Variants in TRIM71 observed in about 807,000 individuals in gnomAD.
TRIM71 encodes the protein E3 ubiquitin-protein ligase TRIM71.
In TRIM71, 9 loss-of-function variants were observed where a neutral mutation model predicts 61.2. The ratio of observed to expected loss-of-function variants is 0.15; its 90% CI spans 0.09 to 0.26. TRIM71 has a LOEUF of 0.26. Ranked by LOEUF, TRIM71 falls within the 10% of genes least tolerant of loss-of-function variation. The pLI is 1.00. For missense variants in TRIM71, 998 were observed against 1,238.7 expected, an observed-to-expected ratio of 0.81 and a Z score of 2.92; for synonymous variants, 645 against 553.2, an observed-to-expected ratio of 1.17 and a Z score of -2.33.
At chr3:32,884,414 C>A (rs909141618) in intron 2 of TRIM71, among the ~76,000 whole-genome samples, 11 of 152,038 alleles carry the variant, frequency 7.2e-5, no homozygotes, top group South Asian at 2.1e-4. Flanking sequence ...ATACCCAGAA[C>A]AGGCCAGGCG....
chr3:32,846,657 C>T (rs1696478346), intron 1 of TRIM71, among the ~76,000 whole-genome samples: 1 of 151,294 alleles, frequency 6.6e-6, no homozygotes, highest in Admixed American at 6.6e-5. Flanking sequence ...TGCACCCACC[C>T]CTGTCCCCAG....
rs377168853 is a variant in TRIM71, at chr3:32,890,542, C to T, written c.1338C>T (p.Thr446=). 23 of 1,614,024 alleles carry T rather than the reference C, an allele frequency of 1.4e-5. No homozygotes were observed. Among genetic ancestry groups the T allele is most frequent in the East Asian group, 2.2e-5 (1 of 44,878 alleles). Residue 446 remains threonine (T), a synonymous_variant, in exon 4 of 4, where the codon ACC becomes ACT. Coordinates refer to ENST00000383763, the MANE Select transcript of TRIM71 (RefSeq NM_001039111.3). This position sits in a 1 kb window ranked among gnomAD's most constrained non-coding sequence, Gnocchi z 6.2. The part of the protein sequence containing the change: ...RMLAQVQELK[T]VRSLLQPQED... Reference sequence around the variant, plus strand: ...TGGCCCAGGTGCAGGAGCTGAAGACCGTGCGGAGCCTCCTGCAGCCCCAGG... The same window carrying T: ...TGGCCCAGGTGCAGGAGCTGAAGACTGTGCGGAGCCTCCTGCAGCCCCAGG...
chr3:32,840,412 C>G (rs1240636068), intron 1 of TRIM71, among the ~76,000 whole-genome samples: 1 of 152,080 alleles, frequency 6.6e-6, no homozygotes, highest in African/African-American at 2.4e-5. Context: ...ATACAAAGAC[C>G]CTCGAGATAA....
Position 32,825,248 on chromosome 3 carries a change from G to A in TRIM71, c.852+6316G>A, listed in dbSNP as rs1393078664. On this transcript the variant is annotated intron_variant, in intron 1 of 3. Transcript: ENST00000383763. ...TCACTGAAAAAAGGAACTAATAATCGTGCATATATAGTAAGGGAGTTAGCT... is the reference window on the plus strand; with the variant it reads ...TCACTGAAAAAAGGAACTAATAATCATGCATATATAGTAAGGGAGTTAGCT... Among the ~76,000 whole-genome samples the A allele has an allele frequency of 2.6e-5, 4 of 152,204 alleles. No individual in the cohort carries two copies. The South Asian group carries it at 8.3e-4, about 32-fold the overall frequency.
At chr3:32,821,458 C>T (rs969342112) in intron 1 of TRIM71, among the ~76,000 whole-genome samples, 23 of 147,466 alleles carry the variant, frequency 1.6e-4, no homozygotes, top group African/African-American at 5.5e-4. Context: ...GACTTTCTTC[C>T]TTAAGCATCC....
At chr3:32,826,791 T>C (rs1435449724) in intron 1 of TRIM71, among the ~76,000 whole-genome samples, 1 of 151,564 alleles carries the variant, frequency 6.6e-6, no homozygotes, top group Non-Finnish European at 1.5e-5. Flanking sequence ...GGAGTCTTGC[T>C]CTGTCCTGTC....
chr3:32,822,025 T>G (rs1696140745), intron 1 of TRIM71, among the ~76,000 whole-genome samples: 1 of 152,128 alleles, frequency 6.6e-6, no homozygotes, highest in African/African-American at 2.4e-5. Flanking sequence ...GACCCTTTAG[T>G]GTTGTTTTGC....
chr3:32,888,434 CAAAAAAAAAAAAAAAAAA>C (rs56834147), intron 3 of TRIM71, among the ~76,000 whole-genome samples: 15 of 95,858 alleles, frequency 1.6e-4, no homozygotes, highest in African/African-American at 4.9e-4. Context: ...CCATCTCTAC[CAAAAAAAAAAAAAAAAAA>C]AAAAAAAAAA....
In TRIM71 at chr3:32,842,429, A is replaced by G. The variant is rs140351421; in HGVS notation, c.852+23497A>G. Among the ~76,000 whole-genome samples, 528 of 152,326 alleles carry G rather than the reference A, an allele frequency of 3.5e-3. 5 individuals carry two copies. Among genetic ancestry groups the G allele is most frequent in the African/African-American group, 0.012 (510 of 41,570 alleles). ...AAAATTTCAGTAAAAATTGAGTATG[A>G]TGGGGTTGTAAATTGTCCAGGATAG... On this transcript the variant is annotated intron_variant, in intron 1 of 3. Transcript: ENST00000383763.
In TRIM71 at chr3:32,892,510, G is replaced by C. The variant is rs1017611539; in HGVS notation, c.*699G>C. ...ATCTTAGACGTTGTGGCTGTGGCTTGCTAGCCAAGAAAAGCAGACCCTTCA... is the reference window on the plus strand; with the variant it reads ...ATCTTAGACGTTGTGGCTGTGGCTTCCTAGCCAAGAAAAGCAGACCCTTCA... On this transcript the variant is annotated 3_prime_UTR_variant, in exon 4 of 4. Coordinates refer to ENST00000383763, the MANE Select transcript of TRIM71 (RefSeq NM_001039111.3). 1 of 152,070 alleles carries C rather than the reference G, an allele frequency of 6.6e-6. No homozygotes were observed. Among genetic ancestry groups the C allele is most frequent in the Non-Finnish European group, 1.5e-5 (1 of 68,008 alleles). The allele number at this position is 152,070 out of a possible 1,614,324, so 9.4% of individuals were successfully genotyped here.
chr3:32,843,650 C>G (rs958654115), intron 1 of TRIM71, among the ~76,000 whole-genome samples: 3 of 152,146 alleles, frequency 2.0e-5, no homozygotes, highest in African/African-American at 7.2e-5. Context: ...TAATCTTCCC[C>G]GGGAAGCAGG....
At chr3:32,820,904 C>G (rs1325988100) in intron 1 of TRIM71, among the ~76,000 whole-genome samples, 1 of 152,146 alleles carries the variant, frequency 6.6e-6, no homozygotes, top group Non-Finnish European at 1.5e-5. Flanking sequence ...CAGTTTTGAG[C>G]AAGATTCTGC....
intron 2 of TRIM71, among the ~76,000 whole-genome samples, chr3:32,884,855 T>C (rs1229299813): frequency 6.6e-6 from 1 of 152,182 alleles, no homozygotes; most frequent in Non-Finnish European, 1.5e-5. Flanking sequence ...TTTTACTCTG[T>C]GCCAGGTGCT....
At chr3:32,865,742 C>G (rs1448778102) in intron 1 of TRIM71, among the ~76,000 whole-genome samples, 1 of 136,654 alleles carries the variant, frequency 7.3e-6, no homozygotes, top group Non-Finnish European at 1.5e-5. Context: ...ACTCTGTAAA[C>G]AGAATTTAGT....
At chr3:32,887,134 G>GT (rs1372033447) in intron 3 of TRIM71, among the ~76,000 whole-genome samples, 1 of 152,124 alleles carries the variant, frequency 6.6e-6, no homozygotes, top group Non-Finnish European at 1.5e-5. Context: ...TGAGAGCTTT[G>GT]TAGTGAACTC....
intron 2 of TRIM71, among the ~76,000 whole-genome samples, chr3:32,878,306 G>A (rs1162571045): frequency 2.6e-5 from 4 of 152,180 alleles, no homozygotes; most frequent in African/African-American, 9.7e-5. Flanking sequence ...CTGAACAGTG[G>A]GTTTAAAATA....
chr3:32,834,703 G>A (rs1696312082), intron 1 of TRIM71, among the ~76,000 whole-genome samples: 1 of 152,236 alleles, frequency 6.6e-6, no homozygotes, highest in African/African-American at 2.4e-5. Flanking sequence ...TTAGCTAGGT[G>A]CGGTGGCGGG....
intron 1 of TRIM71, among the ~76,000 whole-genome samples, chr3:32,860,751 C>T (rs1032886006): frequency 6.6e-6 from 1 of 152,182 alleles, no homozygotes; most frequent in Admixed American, 6.5e-5. Flanking sequence ...CTAAAGCAGG[C>T]TGCCTGGCCT....
intron 1 of TRIM71, among the ~76,000 whole-genome samples, chr3:32,821,825 G>A (rs1263126986): frequency 6.6e-6 from 1 of 151,372 alleles, no homozygotes; most frequent in African/African-American, 2.4e-5. Flanking sequence ...GGCCTGCGCC[G>A]CCGCCCGGCC....
Sources: gnomAD v4.1 joint callset for allele counts (sites outside exome capture counted in the v4.1 genomes callset) on GRCh38, gnomAD v4.1.1 for gene constraint, Gnocchi (gnomAD v3.1) non-coding constraint, MANE v1.5 for transcripts, NCBI Gene and HGNC (gene_info 2026-07-23, HGNC 2026-07-21) for gene names.